The following ACIN1 variants were observed in gnomAD, a reference collection of about 807,000 sequenced individuals.
ACIN1 encodes apoptotic chromatin condensation inducer 1, also known as apoptotic chromatin condensation inducer in the nucleus.
Under a neutral mutation model 146.6 loss-of-function variants are expected in ACIN1, and 16 were observed. The ratio of observed to expected loss-of-function variants is 0.11; its 90% CI spans 0.07 to 0.17. The LOEUF (loss-of-function observed/expected upper bound fraction) is 0.17, where lower values mean the gene tolerates loss of function less well. Ranked by LOEUF, ACIN1 falls within the 10% of genes least tolerant of loss-of-function variation. The probability of loss-of-function intolerance (pLI) is 1.00; values close to 1 mark genes in which losing one functional copy is unlikely to be tolerated. For missense variants in ACIN1, 1,357 were observed against 1,609.3 expected, an observed-to-expected ratio of 0.84 and a Z score of 2.68; for synonymous variants, 569 against 582.7, an observed-to-expected ratio of 0.98 and a Z score of 0.34.
At chr14:23,090,655 A>G (rs770945641) in intron 2 of ACIN1, 22 bp from the exon 3 acceptor site, 1 of 1,591,026 alleles carries the variant, frequency 6.3e-7, no homozygotes, top group East Asian at 2.2e-5. Context: ...AAATGAAAAC[A>G]GAGGGTCTAG....
intron 4 of ACIN1, 45 bp downstream of exon 4, chr14:23,089,937 T>C: frequency 6.6e-7 from 1 of 1,517,818 alleles, no homozygotes; most frequent in South Asian, 1.3e-5. Flanking sequence ...CCCCACCAAC[T>C]ACGCAGGATT....
intron 18 of ACIN1, among the ~76,000 whole-genome samples, chr14:23,059,912 C>T (rs905222260): frequency 9.9e-5 from 15 of 151,510 alleles, no homozygotes; most frequent in African/African-American, 3.6e-4. Flanking sequence ...GCCTCAGGCT[C>T]CCAAAGTGCT....
chr14:23,079,121 T>C, intron 6 of ACIN1, 83 bp from the exon 7 acceptor site: 1 of 1,372,030 alleles, frequency 7.3e-7, no homozygotes, highest in Non-Finnish European at 9.9e-7. Context: ...CCAGTTTCCA[T>C]GGACCAAATT....
chr14:23,081,936 T>C (rs2047953723), intron 4 of ACIN1, 100 bp from the exon 5 acceptor site: 1 of 871,088 alleles, frequency 1.1e-6, no homozygotes, highest in African/African-American at 1.7e-5. Flanking sequence ...TTATAGCATA[T>C]GAGCCTATCA....
chr14:23,085,723 A>C (rs1044954753), intron 4 of ACIN1, among the ~76,000 whole-genome samples: 1 of 152,232 alleles, frequency 6.6e-6, no homozygotes, highest in African/African-American at 2.4e-5. Flanking sequence ...GATGCAGACA[A>C]ACTTCTGAAA....
At position 23,071,310 on chromosome 14, in the gene ACIN1, G is replaced by A. The variant is rs551307792; in HGVS notation, c.2124-1693C>T. 2.7e-6 allele frequency: 4 copies of A among 1,506,142 alleles called. No individual in the cohort carries two copies. The Admixed American group carries it at 9.4e-5, about 35-fold the overall frequency. The allele number at this position is 1,506,142 out of a possible 1,614,324, so 93.3% of individuals were successfully genotyped here. ...TCCCCAGCCACCCGATCCAGAGAGA[G>A]AAAATTGAGATGTAGCAACCGGGGA... On this transcript the variant is annotated intron_variant, in intron 8 of 18. Transcript: ENST00000605057.
intron 8 of ACIN1, chr14:23,071,143 A>T: frequency 6.4e-7 from 1 of 1,551,840 alleles, no homozygotes; most frequent in Non-Finnish European, 8.7e-7. Context: ...GCTTTCTGAT[A>T]ACATGATTTT....
chr14:23,075,422 T>C (rs1233046100), intron 8 of ACIN1, among the ~76,000 whole-genome samples: 2 of 151,830 alleles, frequency 1.3e-5, no homozygotes, highest in Non-Finnish European at 2.9e-5. Flanking sequence ...GACCAGAGTT[T>C]TGAACAGCAC....
intron 7 of ACIN1, 49 bp downstream of exon 7, chr14:23,078,771 T>C (rs762842510): frequency 6.4e-7 from 1 of 1,570,918 alleles, no homozygotes; most frequent in Non-Finnish European, 8.7e-7. Flanking sequence ...AGAGGGAAGA[T>C]CTTGCTTAAT....
chr14:23,080,030 C>A lies in ACIN1; in HGVS notation c.1305G>T (p.Glu435Asp), dbSNP rs764694684. Residue 435 changes from glutamate to aspartate, a missense_variant, in exon 6 of 19, where the codon GAG (glutamate) becomes GAT (aspartate). Physicochemically the swap from Glu to Asp is conservative, Grantham distance 45. Coordinates refer to ENST00000605057, the MANE Select transcript of ACIN1 (RefSeq NM_001386863.1). ...PSDTKAESPA[E>D]KVPEESVLPL... ...GCAGGACACTCTCCTCTGGCACTTT[C>A]TCTGCTGGAGATTCTGCTTTGGTGT... 1 of 1,614,126 alleles carries A rather than the reference C, an allele frequency of 6.2e-7. No individual in the cohort carries two copies. Among genetic ancestry groups the A allele is most frequent in the South Asian group, 1.1e-5 (1 of 91,086 alleles).
chr14:23,094,434 T>G, intron 1 of ACIN1: 6 of 983,014 alleles, frequency 6.1e-6, no homozygotes, highest in Non-Finnish European at 7.2e-6. Context: ...TAGATGCCAC[T>G]AAATTAGAGA....
At chr14:23,073,903 A>G (rs2047730951) in intron 8 of ACIN1, among the ~76,000 whole-genome samples, 1 of 150,468 alleles carries the variant, frequency 6.6e-6, no homozygotes, top group Admixed American at 6.6e-5. Flanking sequence ...CAGTGGCACA[A>G]TCTCAGCTCA....
intron 8 of ACIN1, chr14:23,077,671 C>A (rs532876924): frequency 1.1e-3 from 170 of 153,094 alleles, no homozygotes; most frequent in Middle Eastern, 3.2e-3. Flanking sequence ...GCTGTAAGAA[C>A]TAGGATATCC....
chr14:23,079,083 G>C, intron 6 of ACIN1, 45 bp from the exon 7 acceptor site: 4 of 1,550,568 alleles, frequency 2.6e-6, no homozygotes, highest in Non-Finnish European at 3.5e-6. Context: ...ATTGTATATG[G>C]TATATATTCA....
Position 23,061,639 on chromosome 14 carries a change from G to A in ACIN1, c.3100-17C>T. ...ATAATCCAGCTGTGGGGAGAGGAGG[G>A]ACAAGGACAGTTAGGATAGAGGTGA... On this transcript the variant is annotated splice_polypyrimidine_tract_variant and intron_variant, in intron 16 of 18. Coordinates refer to ENST00000605057, the MANE Select transcript of ACIN1 (RefSeq NM_001386863.1). 5.3e-6 allele frequency: 8 copies of A among 1,511,604 alleles called. No homozygotes were observed. The South Asian group carries it at 9.1e-5, about 17-fold the overall frequency. 93.6% of individuals were successfully genotyped at this position (1,511,604 alleles called of 1,614,324 possible).
rs2047512194 is a variant in ACIN1 at position 23,068,001 on chromosome 14, G to A, written c.2265+1475C>T. 2.0e-6 allele frequency: 2 copies of A among 985,886 alleles called. No individual in the cohort carries two copies. The highest frequency in any genetic ancestry group is 2.4e-6 in the Non-Finnish European group (2 of 829,954). The allele number at this position is 985,886 out of a possible 1,614,324, so 61.1% of individuals were successfully genotyped here. The stretch of plus-strand genomic sequence containing the variant: ...GGTTCCAGTCAGGTGGATGAAATGA[G>A]TCCCTGCCTCCAGGGATGGAGGAGA... On this transcript the variant is annotated intron_variant, in intron 9 of 18. Transcript: ENST00000605057. The surrounding 1 kb of genome is among the most constrained non-coding windows in gnomAD (Gnocchi z 4.3).
At chr14:23,086,951 G>GCC (rs2048104795) in intron 4 of ACIN1, among the ~76,000 whole-genome samples, 1 of 152,132 alleles carries the variant, frequency 6.6e-6, no homozygotes. Context: ...AAAATGTAGA[G>GCC]CCCCAGGACT....
chr14:23,080,301 G>C lies in ACIN1; in HGVS notation c.1034C>G (p.Ala345Gly). 1.9e-6 allele frequency: 3 copies of C among 1,614,204 alleles called. No homozygotes were observed. Among genetic ancestry groups the C allele is most frequent in the Non-Finnish European group, 2.5e-6 (3 of 1,180,030 alleles). Residue 345 changes from alanine (A) to glycine (G), a missense_variant, in exon 6 of 19, where the codon GCG (alanine) becomes GGG (glycine). Around this residue, in one of 4 missense-constraint regions of ACIN1, gnomAD observed 771 missense variants for 746.6 expected, o/e 1.03. Transcript: ENST00000605057. ...CTCGCTGGCAGTTTGCTCTGGCAGC[G>C]CTACAAGTGAGGCCTTCTTTCGATC... Reference protein sequence around the residue: ...TEDRKKASLVALPEQTASEEE... With the variant: ...TEDRKKASLVGLPEQTASEEE...
intron 4 of ACIN1, among the ~76,000 whole-genome samples, chr14:23,084,616 G>GAAA (rs1197980124): frequency 9.5e-6 from 1 of 105,150 alleles, no homozygotes; most frequent in Non-Finnish European, 2.0e-5. Context: ...TCTCAAAAAA[G>GAAA]AAAAAAAAAA....
Sources: gnomAD v4.1 joint callset for allele counts (sites outside exome capture counted in the v4.1 genomes callset) on GRCh38, gnomAD v4.1.1 for gene constraint, gnomAD v4.1.1 regional missense constraint, Gnocchi (gnomAD v3.1) non-coding constraint, MANE v1.5 for transcripts, NCBI Gene and HGNC (gene_info 2026-07-23, HGNC 2026-07-21) for gene names.